TSFM: variants seen among roughly 807,000 people sequenced by gnomAD.
TSFM encodes Ts translation elongation factor, mitochondrial, also known as elongation factor Ts, mitochondrial.
TSFM carries 29 observed loss-of-function variants against 33.4 expected under a neutral mutation model. The observed-to-expected ratio is 0.87, with a 90% CI of 0.65 to 1.18. The LOEUF (loss-of-function observed/expected upper bound fraction) is 1.18. TSFM is among the 50% of genes most tolerant of loss of function. TSFM has a pLI of 0.00. For synonymous variants in TSFM, 178 were observed against 163.5 expected (o/e 1.09, Z -0.68); for missense variants, 394 against 395.6 (o/e 1.00, Z 0.04).
downstream of TSFM, among the ~76,000 whole-genome samples, chr12:57,799,328 G>A (rs1178751732): frequency 1.3e-5 from 2 of 152,268 alleles, no homozygotes; most frequent in African/African-American, 4.8e-5. Context: ...GAAGGGTGGT[G>A]AGTGATGAGG....
At chr12:57,800,101 T>A, downstream of TSFM, 1 of 838,308 alleles carries the variant, frequency 1.2e-6, no homozygotes, top group East Asian at 2.8e-5. Context: ...ATAGAAAATA[T>A]TCAGATTTTG....
chr12:57,786,096 C>G lies in TSFM; in HGVS notation c.232-67C>G, dbSNP rs1487121783. The G allele has an allele frequency of 1.1e-5, 16 of 1,488,222 alleles. No homozygotes were observed. In the East Asian group the frequency reaches 3.7e-4, roughly 34 times the overall value. The allele number at this position is 1,488,222 out of a possible 1,614,324, so 92.2% of individuals were successfully genotyped here. ...AGAGAATCAGGAAACCTGAGTATAT[C>G]TTAGAACTACATTTAGTGCTAAATT... is the stretch of plus-strand genomic sequence containing the variant. On this transcript the variant is annotated intron_variant, in intron 2 of 5. Transcript: ENST00000652027.
downstream of TSFM, among the ~76,000 whole-genome samples, chr12:57,799,415 G>A (rs1955800890): frequency 6.6e-6 from 1 of 152,190 alleles, no homozygotes; most frequent in African/African-American, 2.4e-5. Flanking sequence ...TTTTTTAAAT[G>A]TAGTGGGAAG....
intron 4 of TSFM, chr12:57,791,978 C>T (rs772214150): frequency 4.1e-5 from 15 of 364,082 alleles, no homozygotes; most frequent in East Asian, 1.0e-4. Context: ...CAGTGGCTCA[C>T]GCCTGTAAAC....
intron 4 of TSFM, among the ~76,000 whole-genome samples, chr12:57,789,809 A>C (rs901516864): frequency 2.6e-5 from 4 of 152,182 alleles, no homozygotes; most frequent in African/African-American, 7.2e-5. Context: ...ATTCGTTTTG[A>C]TGCTCAAATT....
chr12:57,799,723 C>T, downstream of TSFM: 1 of 1,601,114 alleles, frequency 6.2e-7, no homozygotes, highest in East Asian at 2.2e-5. Flanking sequence ...TGTCCTAGGC[C>T]ATTTGCTGAG....
chr12:57,796,053 C>T (rs1955733567), intron 5 of TSFM, 124 bp from the exon 6 acceptor site: 4 of 816,106 alleles, frequency 4.9e-6, no homozygotes, highest in South Asian at 2.1e-5. Context: ...CTTCATCTTA[C>T]TGCATATCCT....
downstream of TSFM, chr12:57,797,846 T>G (rs1344427703): frequency 1.4e-5 from 21 of 1,487,068 alleles, no homozygotes; most frequent in Non-Finnish European, 1.8e-5. Context: ...ATCTGCTCTT[T>G]TCTGTGGCCT....
intron 2 of TSFM, 21 bp from the exon 3 acceptor site, chr12:57,786,142 C>G (rs772049705): frequency 3.8e-6 from 6 of 1,590,442 alleles, no homozygotes; most frequent in South Asian, 2.3e-5. Flanking sequence ...GTTGTCTGCT[C>G]TTTTTCCTCT....
intron 4 of TSFM, among the ~76,000 whole-genome samples, chr12:57,789,148 G>C (rs1488553244): frequency 2.6e-5 from 4 of 151,532 alleles, no homozygotes; most frequent in Admixed American, 6.6e-5. Flanking sequence ...TATTTTTGTA[G>C]AGACGGGAGT....
downstream of TSFM, chr12:57,802,657 A>G: frequency 1.5e-6 from 1 of 657,936 alleles, no homozygotes; most frequent in Non-Finnish European, 2.7e-6. Context: ...TAAAAATAAC[A>G]CCTTCAGGAT....
rs567822502 is a variant in TSFM, at chr12:57,794,444, G to T, written c.571+1371G>T. Among the ~76,000 whole-genome samples the T allele has an allele frequency of 2.6e-5, 4 of 152,272 alleles. No homozygotes were observed. In the East Asian group the frequency reaches 7.7e-4, roughly 29 times the overall value. The stretch of plus-strand genomic sequence containing the variant: ...GAAAAATAAGTTAAAATCTGTTTCT[G>T]GTTCTCATAAATAACTCTTGACAAT... On this transcript the variant is annotated intron_variant, in intron 5 of 5. Transcript: ENST00000652027.
chr12:57,799,253 T>C (rs1595153153), downstream of TSFM, among the ~76,000 whole-genome samples: 2 of 152,238 alleles, frequency 1.3e-5, 1 homozygote. Context: ...CACTAGCAAG[T>C]GTAAAGGCTC....
Position 57,785,882 on chromosome 12 carries a change from G to A in TSFM, c.232-281G>A, listed in dbSNP as rs557761668. Among the ~76,000 whole-genome samples the A allele has an allele frequency of 4.6e-5, 7 of 152,242 alleles. No homozygotes were observed. The East Asian group carries it at 1.2e-3, about 25-fold the overall frequency. The stretch of plus-strand genomic sequence containing the variant: ...CTTAGGGACCGTCATCATATATGCA[G>A]TCCGTCATTGTCCAAAATATCGTTA... On this transcript the variant is annotated intron_variant, in intron 2 of 5. Coordinates refer to ENST00000652027, the MANE Select transcript of TSFM (RefSeq NM_005726.6).
chr12:57,798,763 CCCA>C (rs1223437929), downstream of TSFM, among the ~76,000 whole-genome samples: 1 of 151,684 alleles, frequency 6.6e-6, no homozygotes, highest in Non-Finnish European at 1.5e-5. Context: ...ACTACAGGCA[CCCA>C]CCACCACGCC....
At chr12:57,797,990 G>A (rs1244675433), downstream of TSFM, 2 of 1,603,540 alleles carry the variant, frequency 1.2e-6, no homozygotes, top group East Asian at 2.2e-5. Flanking sequence ...GTTCAGAGAG[G>A]TAATTCTAAG....
chr12:57,802,533 A>G (rs1218086515), downstream of TSFM: 2 of 777,308 alleles, frequency 2.6e-6, no homozygotes, highest in Non-Finnish European at 2.2e-6. Flanking sequence ...TTATCATTTT[A>G]ATTGCTATGT....
chr12:57,802,549 T>C (rs1855246453), downstream of TSFM: 1 of 752,590 alleles, frequency 1.3e-6, no homozygotes, highest in Non-Finnish European at 2.3e-6. Flanking sequence ...TATGTGTATC[T>C]TCCAGGTCTG....
intron 2 of TSFM, among the ~76,000 whole-genome samples, chr12:57,785,904 G>A (rs1388492776): frequency 6.6e-6 from 1 of 152,108 alleles, no homozygotes; most frequent in Admixed American, 6.5e-5. Context: ...CCAAAATATC[G>A]TTATGTGGTG....
Sources: gnomAD v4.1 joint callset for allele counts (sites outside exome capture counted in the v4.1 genomes callset) on GRCh38, gnomAD v4.1.1 for gene constraint, MANE v1.5 for transcripts, NCBI Gene and HGNC (gene_info 2026-07-23, HGNC 2026-07-21) for gene names.